CCNI: variants seen among roughly 807,000 people sequenced by gnomAD.
CCNI encodes cyclin-I.
Under a neutral mutation model 34.1 loss-of-function variants are expected in CCNI, and 14 were observed. The ratio of observed to expected loss-of-function variants is 0.41; its 90% CI spans 0.27 to 0.64. CCNI has a LOEUF of 0.64. CCNI is among the 30% of genes least tolerant of loss of function. CCNI has a pLI of 0.31. For missense variants in CCNI, 385 were observed against 440.5 expected, an observed-to-expected ratio of 0.87 and a Z score of 1.13; for synonymous variants, 154 against 158.4, an observed-to-expected ratio of 0.97 and a Z score of 0.21.
chr4:77,054,673 G>A (rs1728085729), intron 6 of CCNI, among the ~76,000 whole-genome samples: 1 of 152,166 alleles, frequency 6.6e-6, no homozygotes, highest in Non-Finnish European at 1.5e-5. Context: ...AACTGCCAGG[G>A]AAAAACCTCT....
In CCNI at chr4:77,058,566, A is replaced by C; in HGVS notation, c.184T>G (p.Tyr62Asp). 6.2e-7 allele frequency: 1 copy of C among 1,613,498 alleles called. No homozygotes were observed. The highest frequency in any genetic ancestry group is 2.2e-5 in the East Asian group (1 of 44,856). The change falls in exon 3 of 7, where the codon TAC becomes GAC. Residue 62 changes from tyrosine to aspartate, a missense_variant. Tyr to Asp is a radical substitution (Grantham distance 160). Around this residue, in one of 2 missense-constraint regions of CCNI, gnomAD observed 135 missense variants for 191.8 expected, o/e 0.70. Coordinates refer to ENST00000237654, the MANE Select transcript of CCNI (RefSeq NM_006835.3). ...LAKLKYQFNL[Y>D]PETFALASSL... ...CTAGCCAGAGCAAATGTTTCTGGGT[A>C]AAGGTTGAATTGGTACTTGAGTTTG...
chr4:77,052,024 A>AT (rs1727885949), intron 6 of CCNI, among the ~76,000 whole-genome samples: 1 of 151,028 alleles, frequency 6.6e-6, no homozygotes, highest in Non-Finnish European at 1.5e-5. Flanking sequence ...AACTAGATAT[A>AT]TATTGCATGA....
At chr4:77,070,310 C>T (rs904257391) in intron 1 of CCNI, among the ~76,000 whole-genome samples, 5 of 150,718 alleles carry the variant, frequency 3.3e-5, no homozygotes, top group Non-Finnish European at 5.9e-5. Context: ...AGCCACCACT[C>T]GTGGCCCTCA....
intron 1 of CCNI, among the ~76,000 whole-genome samples, chr4:77,073,444 C>T (rs1438715541): frequency 2.0e-5 from 3 of 152,216 alleles, no homozygotes; most frequent in Admixed American, 1.3e-4. Flanking sequence ...ATCATCACAC[C>T]AATTCCATTA....
At chr4:77,056,406 A>C in intron 3 of CCNI, 83 bp from the exon 4 acceptor site, 2 of 946,622 alleles carry the variant, frequency 2.1e-6, no homozygotes, top group Non-Finnish European at 3.4e-6. Flanking sequence ...AAAAACCTAG[A>C]TATGCAGATG....
chr4:77,056,327 A>C lies in CCNI; in HGVS notation c.244-4T>G, dbSNP rs749053668. ...AACTCAAGTATTTTGGATGAGCCTAAAATTTTGAAGAGGGAAAAAGCAACT... is the reference window on the plus strand; with the variant it reads ...AACTCAAGTATTTTGGATGAGCCTACAATTTTGAAGAGGGAAAAAGCAACT... On this transcript the variant is annotated splice_polypyrimidine_tract_variant and splice_region_variant and intron_variant, in intron 3 of 6. Transcript: ENST00000237654. 1.2e-6 allele frequency: 2 copies of C among 1,611,272 alleles called. No homozygotes were observed. Among genetic ancestry groups the C allele is most frequent in the South Asian group, 1.1e-5 (1 of 90,936 alleles).
Position 77,047,983 on chromosome 4 carries a change from T to C in CCNI, c.*236A>G. The C allele has an allele frequency of 2.6e-6, 1 of 377,892 alleles. No individual in the cohort carries two copies. The highest frequency in any genetic ancestry group is 4.7e-6 in the Non-Finnish European group (1 of 210,576). 23.4% of individuals were successfully genotyped at this position (377,892 alleles called of 1,614,324 possible). On this transcript the variant is annotated 3_prime_UTR_variant, in exon 7 of 7. Coordinates refer to ENST00000237654, the MANE Select transcript of CCNI (RefSeq NM_006835.3). ...CATACTACAAAGAGATTTTTTAAGT[T>C]TAAAAAAAGTTTGGATCTTTTGGAT...
chr4:77,063,227 T>C (rs1728741759), intron 2 of CCNI, among the ~76,000 whole-genome samples: 1 of 151,588 alleles, frequency 6.6e-6, no homozygotes, highest in Non-Finnish European at 1.5e-5. Flanking sequence ...GGGGGGAAGT[T>C]AGAAGGAAAC....
chr4:77,058,642 G>A lies in CCNI; in HGVS notation c.115-7C>T, dbSNP rs769777383. 2 of 1,609,186 alleles carry A rather than the reference G, an allele frequency of 1.2e-6. No individual in the cohort carries two copies. On this transcript the variant is annotated splice_region_variant and splice_polypyrimidine_tract_variant and intron_variant, in intron 2 of 6. Transcript: ENST00000237654. ...TCTGGGATGGAGAAACATTCTATAA[G>A]GGAACAATTTTGAAAACAGAAGACA...
chr4:77,053,647 TGA>T (rs1276686453), intron 6 of CCNI, among the ~76,000 whole-genome samples: 18 of 152,204 alleles, frequency 1.2e-4, no homozygotes, highest in Admixed American at 3.3e-4. Flanking sequence ...TGTACTATCT[TGA>T]GAGTAAGCAC....
intron 2 of CCNI, among the ~76,000 whole-genome samples, chr4:77,059,632 G>C (rs1307016651): frequency 6.6e-6 from 1 of 151,756 alleles, no homozygotes; most frequent in Admixed American, 6.6e-5. Context: ...TTTTAAATGG[G>C]CTATCATTCT....
chr4:77,056,410 G>C, intron 3 of CCNI, 87 bp from the exon 4 acceptor site: 1 of 901,142 alleles, frequency 1.1e-6, no homozygotes, highest in Non-Finnish European at 1.8e-6. Context: ...ACCTAGATAT[G>C]CAGATGAGAC....
At position 77,075,653 on chromosome 4, in the gene CCNI, G is replaced by A. The variant is rs991978952; in HGVS notation, c.-225C>T. On this transcript the variant is annotated 5_prime_UTR_variant, in exon 1 of 7. Transcript: ENST00000237654. ...GGGAAGCGGATCGGGGGGCGCGGGCGCGGGCGCTGGCGCTCGAGCGGGACG... is the reference window on the plus strand; with the variant it reads ...GGGAAGCGGATCGGGGGGCGCGGGCACGGGCGCTGGCGCTCGAGCGGGACG... 11 of 779,686 alleles carry A rather than the reference G, an allele frequency of 1.4e-5. No individual in the cohort carries two copies. The highest frequency in any genetic ancestry group is 5.6e-5 in the African/African-American group (3 of 53,178). 48.3% of individuals were successfully genotyped at this position (779,686 alleles called of 1,614,324 possible). A position where few individuals can be genotyped will look rare whatever the true frequency, so the allele number is the denominator to read the frequency against.
rs868499306 is a variant in CCNI at position 77,075,976 on chromosome 4, G to C, written c.-548C>G. The stretch of plus-strand genomic sequence containing the variant: ...CGCTGCCGCGTCCGCTCGCGGGGAA[G>C]GCTGGGGAGGGAGGGGAAGAGAGGG... On this transcript the variant is annotated 5_prime_UTR_variant, in exon 1 of 7. Coordinates refer to ENST00000237654, the MANE Select transcript of CCNI (RefSeq NM_006835.3). The C allele has an allele frequency of 6.6e-6, 1 of 152,224 alleles. No homozygotes were observed. Among genetic ancestry groups the C allele is most frequent in the Non-Finnish European group, 1.5e-5 (1 of 68,026 alleles). 9.4% of individuals were successfully genotyped at this position (152,224 alleles called of 1,614,324 possible).
intron 1 of CCNI, among the ~76,000 whole-genome samples, chr4:77,071,420 G>A (rs890684994): frequency 2.6e-5 from 4 of 152,146 alleles, no homozygotes; most frequent in Admixed American, 6.5e-5. Flanking sequence ...CAAATCAAGA[G>A]CCTAATCTTC....
chr4:77,049,681 T>TA (rs34290249), intron 6 of CCNI, among the ~76,000 whole-genome samples: 15,396 of 136,122 alleles, frequency 0.11, 1,006 homozygotes, highest in South Asian at 0.21. Flanking sequence ...GACTCTGTCT[T>TA]AAAAAAAAAA....
intron 6 of CCNI, among the ~76,000 whole-genome samples, chr4:77,052,596 GCCT>G (rs1727941730): frequency 6.6e-6 from 1 of 152,102 alleles, no homozygotes; most frequent in South Asian, 2.1e-4. Flanking sequence ...AGTGAGAGTG[GCCT>G]CCTCACAGCA....
In CCNI at chr4:77,066,423, TTTTAAAA is replaced by T. The variant is rs1273491609; in HGVS notation, c.-43-25_-43-19del. The T allele has an allele frequency of 1.9e-6, 3 of 1,592,830 alleles. No homozygotes were observed. The highest frequency in any genetic ancestry group is 3.3e-4 in the Middle Eastern group (2 of 5,994). ...GTAGCTACCTACAGAATCAAGTAAGTTTTAAAATTAGTTATAGAATAAGTGTAGCATT... is the reference window on the plus strand; with the variant it reads ...GTAGCTACCTACAGAATCAAGTAAGTTTAGTTATAGAATAAGTGTAGCATT... On this transcript the variant is annotated intron_variant, in intron 1 of 6. Transcript: ENST00000237654.
At chr4:77,063,060 C>T (rs915597976) in intron 2 of CCNI, among the ~76,000 whole-genome samples, 5 of 152,054 alleles carry the variant, frequency 3.3e-5, no homozygotes, top group African/African-American at 9.7e-5. Flanking sequence ...ATACTTTGTG[C>T]TGTCATAAGG....
Sources: gnomAD v4.1 joint callset for allele counts (sites outside exome capture counted in the v4.1 genomes callset) on GRCh38, gnomAD v4.1.1 for gene constraint, gnomAD v4.1.1 regional missense constraint, MANE v1.5 for transcripts, NCBI Gene and HGNC (gene_info 2026-07-23, HGNC 2026-07-21) for gene names.